The following PRTFDC1 variants were observed in gnomAD, a reference collection of about 807,000 sequenced individuals.
PRTFDC1 encodes the protein phosphoribosyltransferase domain-containing protein 1.
Under a neutral mutation model 34.6 loss-of-function variants are expected in PRTFDC1, and 38 were observed. The ratio of observed to expected loss-of-function variants is 1.10; its 90% confidence interval spans 0.85 to 1.44. PRTFDC1 has a LOEUF of 1.44. Ranked by LOEUF, PRTFDC1 falls within the 40% of genes most tolerant of loss-of-function variation. The pLI is 0.00. For missense variants in PRTFDC1, 270 were observed against 283.0 expected (o/e 0.95, Z 0.33); for synonymous variants, 93 against 98.1 (o/e 0.95, Z 0.31).
intron 4 of PRTFDC1, among the ~76,000 whole-genome samples, chr10:24,870,733 CT>C (rs1440856346): frequency 2.8e-4 from 42 of 152,200 alleles, no homozygotes; most frequent in African/African-American, 1.0e-3. Flanking sequence ...ACACAATTTA[CT>C]GCTAGATAGC....
intron 3 of PRTFDC1, among the ~76,000 whole-genome samples, chr10:24,881,236 TTTTTA>T (rs1242181804): frequency 3.5e-4 from 18 of 51,960 alleles, no homozygotes; most frequent in African/African-American, 7.6e-4. Context: ...CCAGCTGATT[TTTTTA>T]TTTTTATTTT....
At chr10:24,871,645 TGA>T (rs1491494690) in intron 4 of PRTFDC1, among the ~76,000 whole-genome samples, 1,534 of 134,110 alleles carry the variant, frequency 0.011, 29 homozygotes, top group African/African-American at 0.039. Flanking sequence ...AGAGGATGGA[TGA>T]AAAAAAAAAA....
At chr10:24,850,162 C>A (rs567696818) in intron 8 of PRTFDC1, among the ~76,000 whole-genome samples, 1 of 152,264 alleles carries the variant, frequency 6.6e-6, no homozygotes, top group Admixed American at 6.5e-5. Flanking sequence ...GTATGTTTAG[C>A]CCTGCTAGAA....
intron 3 of PRTFDC1, among the ~76,000 whole-genome samples, chr10:24,883,883 G>A (rs983033039): frequency 1.3e-5 from 2 of 148,334 alleles, no homozygotes; most frequent in Non-Finnish European, 3.0e-5. Context: ...GGAGTGCAGT[G>A]GCGTGATCTT....
intron 3 of PRTFDC1, among the ~76,000 whole-genome samples, chr10:24,919,760 T>A (rs1004210526): frequency 6.6e-5 from 10 of 151,722 alleles, no homozygotes; most frequent in African/African-American, 2.4e-4. Context: ...ATCCAGAATC[T>A]ACAAGGGACT....
At chr10:24,877,927 G>C (rs1220605494) in intron 3 of PRTFDC1, among the ~76,000 whole-genome samples, 9 of 151,928 alleles carry the variant, frequency 5.9e-5, no homozygotes, top group African/African-American at 1.9e-4. Context: ...GGCCAGAATA[G>C]GTATTATTTG....
intron 3 of PRTFDC1, among the ~76,000 whole-genome samples, chr10:24,909,293 G>A (rs10828721): frequency 0.26 from 39,243 of 152,078 alleles, 6,100 homozygotes; most frequent in Middle Eastern, 0.38. Flanking sequence ...AAAAAAAGGG[G>A]ACTATCTAAC....
intron 3 of PRTFDC1, among the ~76,000 whole-genome samples, chr10:24,878,762 T>C (rs1252238262): frequency 2.6e-5 from 4 of 152,168 alleles, no homozygotes; most frequent in Non-Finnish European, 5.9e-5. Flanking sequence ...CTAAATATCC[T>C]GTCCTTTTGA....
intron 3 of PRTFDC1, among the ~76,000 whole-genome samples, chr10:24,903,777 T>C (rs961402406): frequency 2.0e-5 from 3 of 151,556 alleles, no homozygotes; most frequent in Non-Finnish European, 2.9e-5. Flanking sequence ...TGGGCTCCAG[T>C]GATCTTCTCT....
At chr10:24,873,410 C>T (rs916645136) in intron 3 of PRTFDC1, among the ~76,000 whole-genome samples, 3 of 152,164 alleles carry the variant, frequency 2.0e-5, no homozygotes, top group Non-Finnish European at 2.9e-5. Context: ...AGCAAGAATG[C>T]TGTGATGTTG....
In PRTFDC1 at chr10:24,858,413, A is replaced by G; in HGVS notation, c.406-4T>C. The G allele has an allele frequency of 6.2e-7, 1 of 1,613,374 alleles. No individual in the cohort carries two copies. Among genetic ancestry groups the G allele is most frequent in the Non-Finnish European group, 8.5e-7 (1 of 1,179,390 alleles). On this transcript the variant is annotated splice_region_variant and splice_polypyrimidine_tract_variant and intron_variant, in intron 4 of 8. Transcript: ENST00000320152. ...TTACCTCAACAATGAGAACATTCTG[A>G]AATAAACAAAACCCATATTTTAGAA...
intron 1 of PRTFDC1, among the ~76,000 whole-genome samples, chr10:24,945,667 G>A (rs892534351): frequency 1.3e-5 from 2 of 152,118 alleles, no homozygotes; most frequent in Non-Finnish European, 2.9e-5. Flanking sequence ...ATGTTGCCCA[G>A]GCTGGTCTCA....
At chr10:24,910,525 C>T (rs1848609982) in intron 3 of PRTFDC1, among the ~76,000 whole-genome samples, 1 of 152,122 alleles carries the variant, frequency 6.6e-6, no homozygotes, top group African/African-American at 2.4e-5. Flanking sequence ...GTGAGTGAAT[C>T]ACTAAAAACC....
intron 1 of PRTFDC1, among the ~76,000 whole-genome samples, chr10:24,951,172 C>G (rs1313557006): frequency 2.0e-5 from 3 of 152,130 alleles, no homozygotes; most frequent in Non-Finnish European, 4.4e-5. Context: ...GATCTTGGCT[C>G]AAAGGTCACC....
chr10:24,908,647 T>A (rs1564309189), intron 3 of PRTFDC1: 1 of 1,611,396 alleles, frequency 6.2e-7, no homozygotes, highest in Non-Finnish European at 8.5e-7. Context: ...CCAGTCCTCC[T>A]CTATCACAGA....
intron 3 of PRTFDC1, among the ~76,000 whole-genome samples, chr10:24,934,242 A>G (rs771228528): frequency 4.9e-4 from 31 of 63,318 alleles, no homozygotes; most frequent in East Asian, 1.4e-3. Flanking sequence ...GAAGAAGAAG[A>G]AGAAGGAGAA....
At chr10:24,867,324 C>T (rs2132505565) in intron 4 of PRTFDC1, among the ~76,000 whole-genome samples, 1 of 152,308 alleles carries the variant, frequency 6.6e-6, no homozygotes, top group Non-Finnish European at 1.5e-5. Context: ...TAACTTGGCT[C>T]CTGTAGTTCA....
chr10:24,950,534 C>A (rs1849323573), intron 1 of PRTFDC1, among the ~76,000 whole-genome samples: 1 of 152,110 alleles, frequency 6.6e-6, no homozygotes. Context: ...AAAAGATTCT[C>A]CCTACTAATG....
chr10:24,934,100 T>A (rs1037700051), intron 3 of PRTFDC1, among the ~76,000 whole-genome samples: 1 of 152,118 alleles, frequency 6.6e-6, no homozygotes, highest in Non-Finnish European at 1.5e-5. Context: ...ATGTGAATAT[T>A]TATAGCTGCT....
Sources: gnomAD v4.1 joint callset for allele counts (sites outside exome capture counted in the v4.1 genomes callset) on GRCh38, gnomAD v4.1.1 for gene constraint, MANE v1.5 for transcripts, NCBI Gene and HGNC (gene_info 2026-07-23, HGNC 2026-07-21) for gene names.